ACVR1C: variants seen among roughly 807,000 people sequenced by gnomAD.
ACVR1C encodes the protein activin A receptor type 1C.
ACVR1C carries 23 observed loss-of-function variants against 57.9 expected under a neutral mutation model. The observed-to-expected ratio is 0.40, with a 90% CI of 0.29 to 0.56. The LOEUF is 0.56. ACVR1C is among the 20% of genes least tolerant of loss of function. The probability of loss-of-function intolerance (pLI) is 0.50; values close to 1 mark genes in which losing one functional copy is unlikely to be tolerated. For missense variants in ACVR1C, 480 were observed against 607.9 expected (o/e 0.79, Z 2.21); for synonymous variants, 214 against 215.3 (o/e 0.99, Z 0.05).
At chr2:157,614,419 A>G (rs1366939689) in intron 1 of ACVR1C, among the ~76,000 whole-genome samples, 2 of 152,116 alleles carry the variant, frequency 1.3e-5, no homozygotes, top group South Asian at 2.1e-4. Flanking sequence ...TGCCCCCACA[A>G]TATGGTCTAT....
chr2:157,534,400 A>G (rs1000937854), intron 8 of ACVR1C, among the ~76,000 whole-genome samples: 1 of 152,200 alleles, frequency 6.6e-6, no homozygotes, highest in African/African-American at 2.4e-5. Context: ...AAATTCTACC[A>G]AAACTCAAAT....
chr2:157,618,041 T>A (rs984304414), intron 1 of ACVR1C, among the ~76,000 whole-genome samples: 1 of 151,832 alleles, frequency 6.6e-6, no homozygotes, highest in African/African-American at 2.4e-5. Flanking sequence ...AAACTTTGAT[T>A]TATACAAAGC....
chr2:157,567,427 G>A (rs2105236911), intron 2 of ACVR1C, among the ~76,000 whole-genome samples: 1 of 64,814 alleles, frequency 1.5e-5, no homozygotes, highest in Non-Finnish European at 3.1e-5. Context: ...TGAGCTATGG[G>A]AGGACATTCA....
intron 4 of ACVR1C, among the ~76,000 whole-genome samples, chr2:157,547,633 T>C (rs1317075938): frequency 7.1e-6 from 1 of 140,994 alleles, no homozygotes; most frequent in East Asian, 2.1e-4. Context: ...GAAGTGTCTG[T>C]TCATGTCCTT....
At chr2:157,573,902 A>G (rs767839257) in intron 2 of ACVR1C, among the ~76,000 whole-genome samples, 52 of 152,260 alleles carry the variant, frequency 3.4e-4, no homozygotes, top group Non-Finnish European at 6.6e-4. Context: ...ACAAAATTGT[A>G]TTAAACAGAA....
chr2:157,586,626 T>G (rs537645264), intron 2 of ACVR1C, among the ~76,000 whole-genome samples: 1 of 152,134 alleles, frequency 6.6e-6, no homozygotes, highest in Non-Finnish European at 1.5e-5. Flanking sequence ...CTGTATAATA[T>G]GACGAAAGGC....
At chr2:157,601,241 C>T (rs1454325) in intron 1 of ACVR1C, among the ~76,000 whole-genome samples, 9,697 of 151,896 alleles carry the variant, frequency 0.064, 469 homozygotes, top group East Asian at 0.23. Flanking sequence ...CACTTGAACC[C>T]GGGAGGCGGA....
rs551251624 is a variant in ACVR1C at position 157,539,878 on chromosome 2, A to G, written c.1226-1175T>C. On this transcript the variant is annotated intron_variant, in intron 7 of 8. Coordinates refer to ENST00000243349, the MANE Select transcript of ACVR1C (RefSeq NM_145259.3). ...GAATGTTTTATAATATCATCTATGA[A>G]TAAAAGAGAAAAAGTATGTATGTTT... 2.0e-5 allele frequency among the ~76,000 whole-genome samples: 3 copies of G among 152,354 alleles called. No homozygotes were observed. The South Asian group carries it at 6.2e-4, about 32-fold the overall frequency.
At chr2:157,535,722 G>A (rs1010263894) in intron 8 of ACVR1C, among the ~76,000 whole-genome samples, 2 of 152,108 alleles carry the variant, frequency 1.3e-5, no homozygotes, top group Non-Finnish European at 2.9e-5. Context: ...GGCGGAGGTA[G>A]CAGTAAGCTG....
intron 2 of ACVR1C, among the ~76,000 whole-genome samples, chr2:157,562,948 T>C (rs538739143): frequency 1.4e-4 from 21 of 152,064 alleles, no homozygotes; most frequent in Non-Finnish European, 2.8e-4. Context: ...CTCAATAAAG[T>C]AGGTATACAT....
intron 3 of ACVR1C, among the ~76,000 whole-genome samples, chr2:157,550,908 T>C (rs1368066664): frequency 6.6e-6 from 1 of 151,972 alleles, no homozygotes; most frequent in Non-Finnish European, 1.5e-5. Context: ...AAGCAAGATA[T>C]AGTCAAATAA....
chr2:157,554,274 AGGAAGGAAGAGAG>A (rs1688022471), intron 3 of ACVR1C, among the ~76,000 whole-genome samples: 229 of 138,898 alleles, frequency 1.6e-3, no homozygotes, highest in East Asian at 4.9e-3. Context: ...AAAGAAAGGA[AGGAAGGAAGAGAG>A]AGAGAGAGAG....
chr2:157,602,113 T>C (rs1005839708), intron 1 of ACVR1C, among the ~76,000 whole-genome samples: 1 of 152,092 alleles, frequency 6.6e-6, no homozygotes, highest in Non-Finnish European at 1.5e-5. Flanking sequence ...CAAATCAAGA[T>C]AGACATTTTC....
chr2:157,550,500 T>A lies in ACVR1C; in HGVS notation c.545-108A>T, dbSNP rs1475721385. On this transcript the variant is annotated intron_variant, in intron 3 of 8. Transcript: ENST00000243349. ...AAAAGCAAACATTTAAATGCTTTAA[T>A]AATTTTATCTATTTTGAAGGAATAA... 1.4e-5 allele frequency: 14 copies of A among 995,264 alleles called. No homozygotes were observed. The Admixed American group carries it at 3.5e-4, about 25-fold the overall frequency. The allele number at this position is 995,264 out of a possible 1,614,324, so 61.7% of individuals were successfully genotyped here.
intron 1 of ACVR1C, among the ~76,000 whole-genome samples, chr2:157,604,003 A>C (rs1219675191): frequency 6.6e-6 from 1 of 152,078 alleles, no homozygotes; most frequent in African/African-American, 2.4e-5. Context: ...CCCACGTTTA[A>C]CTATTGTTGT....
intron 7 of ACVR1C, among the ~76,000 whole-genome samples, chr2:157,539,500 T>C (rs1441969865): frequency 6.6e-6 from 1 of 152,238 alleles, no homozygotes; most frequent in Non-Finnish European, 1.5e-5. Context: ...TCACGTCTGC[T>C]AAATTACTAT....
intron 2 of ACVR1C, among the ~76,000 whole-genome samples, chr2:157,566,346 G>A (rs925932287): frequency 1.8e-4 from 28 of 152,298 alleles, no homozygotes; most frequent in African/African-American, 6.7e-4. Flanking sequence ...GCTAGCTAGT[G>A]GGAATGTGGA....
At chr2:157,604,650 A>C (rs1682354795) in intron 1 of ACVR1C, among the ~76,000 whole-genome samples, 3 of 151,912 alleles carry the variant, frequency 2.0e-5, no homozygotes, top group Non-Finnish European at 4.4e-5. Context: ...AGAATTGCCA[A>C]AGTGTTTTCC....
chr2:157,538,550 T>C, intron 8 of ACVR1C, 23 bp downstream of exon 8: 1 of 1,532,190 alleles, frequency 6.5e-7, no homozygotes, highest in Non-Finnish European at 8.7e-7. Context: ...ATAAGAAAAA[T>C]ATAGATAAAA....
Sources: gnomAD v4.1 joint callset for allele counts (sites outside exome capture counted in the v4.1 genomes callset) on GRCh38, gnomAD v4.1.1 for gene constraint, MANE v1.5 for transcripts, NCBI Gene and HGNC (gene_info 2026-07-23, HGNC 2026-07-21) for gene names.